The following MON2 variants were observed in gnomAD, a reference collection of about 807,000 sequenced individuals.
MON2 encodes the protein protein MON2 homolog.
A neutral mutation model predicts 208.6 loss-of-function variants in MON2; 84 were observed. The ratio of observed to expected loss-of-function variants is 0.40; its 90% confidence interval spans 0.34 to 0.48. The LOEUF is 0.48. MON2 is among the 20% of genes least tolerant of loss of function. The pLI is 0.59. For synonymous variants in MON2, 660 were observed against 694.0 expected, an observed-to-expected ratio of 0.95 and a Z score of 0.77; for missense variants, 1,611 against 2,015.4, an observed-to-expected ratio of 0.80 and a Z score of 3.84.
At chr12:62,533,723 T>C (rs1225120260) in intron 12 of MON2, among the ~76,000 whole-genome samples, 2 of 152,148 alleles carry the variant, frequency 1.3e-5, no homozygotes, top group Admixed American at 6.5e-5. Flanking sequence ...CGAACACAGG[T>C]ATACTAGGTA....
chr12:62,554,592 T>C (rs547910814), intron 24 of MON2, among the ~76,000 whole-genome samples: 2 of 152,266 alleles, frequency 1.3e-5, no homozygotes, highest in South Asian at 4.1e-4. Context: ...CCTGCCAGGC[T>C]CAAGCGATCC....
At chr12:62,587,870 C>G (rs1188864963) in intron 33 of MON2, 1 of 395,254 alleles carries the variant, frequency 2.5e-6, no homozygotes. Context: ...GCAAGAATAA[C>G]TACAAATTTG....
Position 62,534,862 on chromosome 12 carries a change from GA to G in MON2, c.1653del (p.Glu552LysfsTer3). ...DKEIVSRAVW[E>X]EMVNACWCGL... ...CCTTTAAGTTAGTAGGGCTGTTTGG[GA>G]AGAAATGGTGAATGCCTGCTGGTGT... On this transcript the variant is annotated frameshift_variant, in exon 13 of 35. Coordinates refer to ENST00000393630, the MANE Select transcript of MON2 (RefSeq NM_015026.3). LOFTEE classifies it high-confidence loss of function. 6.2e-7 allele frequency: 1 copy of G among 1,611,514 alleles called. No homozygotes were observed. The highest frequency in any genetic ancestry group is 8.5e-7 in the Non-Finnish European group (1 of 1,178,408).
At chr12:62,500,216 C>T (rs916747794) in intron 5 of MON2, among the ~76,000 whole-genome samples, 8 of 151,958 alleles carry the variant, frequency 5.3e-5, no homozygotes, top group Admixed American at 2.0e-4. Flanking sequence ...TTCAGGTAGT[C>T]GTTAAGTCAA....
chr12:62,502,584 G>A (rs777468866), intron 7 of MON2, among the ~76,000 whole-genome samples: 74 of 152,028 alleles, frequency 4.9e-4, no homozygotes, highest in South Asian at 6.2e-4. Context: ...CCAGTGTATG[G>A]GTCTATGAAG....
chr12:62,535,806 C>T, intron 14 of MON2, 97 bp downstream of exon 14: 2 of 862,826 alleles, frequency 2.3e-6, no homozygotes, highest in Non-Finnish European at 3.2e-6. Context: ...TGCTTTTTCA[C>T]ATACTGACTG....
At chr12:62,539,720 G>A (rs2073149021) in intron 19 of MON2, among the ~76,000 whole-genome samples, 1 of 151,790 alleles carries the variant, frequency 6.6e-6, no homozygotes, top group South Asian at 2.1e-4. Context: ...GCAGGTGTTT[G>A]AAAGTATGTA....
rs2072234030 is a variant in MON2 at position 62,524,500 on chromosome 12, A to G, written c.985-15A>G. ...TTGATTCAAAGAAATAGTATTAAAA[A>G]TCATATATTTTTAGGTAACTGAATG... On this transcript the variant is annotated splice_polypyrimidine_tract_variant and intron_variant, in intron 8 of 34. Transcript: ENST00000393630. The G allele has an allele frequency of 6.3e-7, 1 of 1,590,212 alleles. No individual in the cohort carries two copies. Among genetic ancestry groups the G allele is most frequent in the African/African-American group, 1.3e-5 (1 of 74,320 alleles).
rs887632201 is a variant in MON2 at position 62,533,310 on chromosome 12, C to T, written c.1633+640C>T. ...TATGAGTTGGTTAATACAATGTCAG[C>T]CTGGTTTCTTCAGTGTACAGTTAAT... On this transcript the variant is annotated intron_variant, in intron 12 of 34. Coordinates refer to ENST00000393630, the MANE Select transcript of MON2 (RefSeq NM_015026.3). Among the ~76,000 whole-genome samples the T allele has an allele frequency of 3.9e-5, 6 of 152,104 alleles. No individual in the cohort carries two copies. The East Asian group carries it at 5.8e-4, about 15-fold the overall frequency.
At chr12:62,499,925 A>G (rs1381877293) in intron 5 of MON2, among the ~76,000 whole-genome samples, 2 of 152,076 alleles carry the variant, frequency 1.3e-5, no homozygotes, top group Non-Finnish European at 2.9e-5. Context: ...TTATTAGAAT[A>G]TTTCCACTTT....
chr12:62,555,869 G>T, intron 24 of MON2, 125 bp from the exon 25 acceptor site: 1 of 702,042 alleles, frequency 1.4e-6, no homozygotes, highest in Non-Finnish European at 2.4e-6. Flanking sequence ...CCAATATATA[G>T]GGATTGATAA....
At chr12:62,472,262 A>T (rs1413680211) in intron 1 of MON2, among the ~76,000 whole-genome samples, 2 of 152,158 alleles carry the variant, frequency 1.3e-5, no homozygotes, top group African/African-American at 2.4e-5. Context: ...AGCTAGAAGG[A>T]TAGGAGTTGG....
chr12:62,543,027 A>C, intron 19 of MON2, 70 bp from the exon 20 acceptor site: 2 of 791,736 alleles, frequency 2.5e-6, no homozygotes, highest in Non-Finnish European at 4.0e-6. Context: ...GAGTATTCTC[A>C]GTTTTATTCA....
intron 34 of MON2, among the ~76,000 whole-genome samples, chr12:62,591,515 C>CT (rs1310654911): frequency 6.6e-6 from 1 of 152,148 alleles, no homozygotes; most frequent in Admixed American, 6.5e-5. Flanking sequence ...TAAATTTGTT[C>CT]TTTTACTACA....
intron 24 of MON2, among the ~76,000 whole-genome samples, 195 bp from the exon 25 acceptor site, chr12:62,555,799 A>G (rs1379894042): frequency 7.6e-6 from 1 of 131,312 alleles, no homozygotes; most frequent in African/African-American, 2.9e-5. Context: ...ATAGAGTGAG[A>G]CTCCATCTAA....
intron 33 of MON2, chr12:62,587,785 T>C (rs563954912): frequency 4.2e-6 from 1 of 237,326 alleles, no homozygotes; most frequent in African/African-American, 2.3e-5. Flanking sequence ...TAAGTAGTTA[T>C]GTGAAATATC....
At position 62,595,217 on chromosome 12, in the gene MON2, TCA is replaced by T. The variant is rs1229647860; in HGVS notation, c.*2470_*2471del. On this transcript the variant is annotated 3_prime_UTR_variant, in exon 35 of 35. Transcript: ENST00000393630. ...TGGAATGCAGTGGCACGATCTTGGCTCACTGCAACCTCTGCTTCCCGGGTTCA... is the reference window on the plus strand; with the variant it reads ...TGGAATGCAGTGGCACGATCTTGGCTCTGCAACCTCTGCTTCCCGGGTTCA... The T allele has an allele frequency of 6.6e-6, 1 of 151,908 alleles. No homozygotes were observed. The highest frequency in any genetic ancestry group is 1.9e-4 in the East Asian group (1 of 5,174). 9.4% of individuals were successfully genotyped at this position (151,908 alleles called of 1,614,324 possible).
Position 62,525,216 on chromosome 12 carries a change from A to G in MON2, c.1242A>G (p.Gln414=), listed in dbSNP as rs952830581. 7 of 1,613,098 alleles carry G rather than the reference A, an allele frequency of 4.3e-6. No homozygotes were observed. In the African/African-American group the frequency reaches 8.0e-5, roughly 18 times the overall value. The change falls in exon 10 of 35, where the codon CAA becomes CAG. Residue 414 remains glutamine (Q), a synonymous_variant. Coordinates refer to ENST00000393630, the MANE Select transcript of MON2 (RefSeq NM_015026.3). ...CTGGAAATCCTGCAACAAGCAACCA[A>G]GCTGGTAAAAACATATTCATAATTT... ...PPTGNPATSN[Q]AGNNNLGGSV... is the part of the protein sequence containing the mutation.
At chr12:62,556,288 C>G in intron 25 of MON2, 96 bp downstream of exon 25, 2 of 1,170,318 alleles carry the variant, frequency 1.7e-6, no homozygotes, top group South Asian at 2.8e-5. Flanking sequence ...TTAACTTAGT[C>G]TTTATGTGTG....
Sources: gnomAD v4.1 joint callset for allele counts (sites outside exome capture counted in the v4.1 genomes callset) on GRCh38, gnomAD v4.1.1 for gene constraint, MANE v1.5 for transcripts, NCBI Gene and HGNC (gene_info 2026-07-23, HGNC 2026-07-21) for gene names.